BPTF: variants seen among roughly 807,000 people sequenced by gnomAD.
BPTF encodes bromodomain PHD finger transcription factor.
BPTF carries 18 observed loss-of-function variants against 292.5 expected under a neutral mutation model. The observed-to-expected ratio is 0.06, with a 90% confidence interval of 0.04 to 0.09. The LOEUF is 0.09. BPTF is among the 10% of genes least tolerant of loss of function. The pLI is 1.00. For synonymous variants in BPTF, 1,225 were observed against 1,251.9 expected, an observed-to-expected ratio of 0.98 and a Z score of 0.45; for missense variants, 2,726 against 3,498.7, an observed-to-expected ratio of 0.78 and a Z score of 5.57.
chr17:67,831,154 A>G (rs1459071667), intron 1 of BPTF, among the ~76,000 whole-genome samples: 1 of 152,186 alleles, frequency 6.6e-6, no homozygotes, highest in Non-Finnish European at 1.5e-5. Context: ...AGGACGAGAT[A>G]GCTGGTGGGT....
chr17:67,929,596 G>C, intron 17 of BPTF, 109 bp downstream of exon 17: 1 of 1,311,834 alleles, frequency 7.6e-7, no homozygotes, highest in Non-Finnish European at 1.0e-6. Flanking sequence ...GCCTATTACT[G>C]AATCTGTGAC....
intron 1 of BPTF, among the ~76,000 whole-genome samples, chr17:67,852,063 A>C (rs1472234962): frequency 6.6e-6 from 1 of 152,112 alleles, no homozygotes; most frequent in Non-Finnish European, 1.5e-5. Context: ...TTGACTTGCT[A>C]ATACTAATGA....
intron 20 of BPTF, 36 bp from the exon 21 acceptor site, chr17:67,945,373 A>G (rs2065727516): frequency 1.3e-6 from 2 of 1,572,538 alleles, no homozygotes; most frequent in African/African-American, 2.7e-5. Flanking sequence ...TTTATGTTCC[A>G]GAGTAATAGA....
intron 27 of BPTF, among the ~76,000 whole-genome samples, chr17:67,980,995 A>G (rs1436945082): frequency 6.6e-6 from 1 of 152,110 alleles, no homozygotes; most frequent in Non-Finnish European, 1.5e-5. Context: ...CCATCCCTAC[A>G]GAAAATACAA....
Position 67,909,633 on chromosome 17 carries a change from C to T in BPTF, c.2864C>T (p.Ser955Leu), listed in dbSNP as rs753249174. ...NMDESDKRKCSRSPKKIKIEP... is the reference protein window; with the variant it reads ...NMDESDKRKCLRSPKKIKIEP... ...GATGAGTCAGATAAAAGAAAATGTT[C>T]ACGAAGTCCAAAAAAAATAAAAATA... is the stretch of plus-strand genomic sequence containing the variant. Residue 955 changes from serine to leucine, a missense_variant, in exon 10 of 28, where the codon TCA (serine) becomes TTA (leucine). Transcript: ENST00000306378. 9 of 1,590,714 alleles carry T rather than the reference C, an allele frequency of 5.7e-6. No homozygotes were observed. The Admixed American group carries it at 1.4e-4, about 26-fold the overall frequency.
chr17:67,931,839 T>C, intron 17 of BPTF, 72 bp from the exon 18 acceptor site: 1 of 1,094,032 alleles, frequency 9.1e-7, no homozygotes. Context: ...TTTAAAGATC[T>C]TGTGTTCTAA....
intron 17 of BPTF, among the ~76,000 whole-genome samples, chr17:67,931,692 G>C (rs2064403943): frequency 6.6e-6 from 1 of 151,996 alleles, no homozygotes; most frequent in Admixed American, 6.6e-5. Context: ...TCAGTGGCAG[G>C]GAATTTTGTA....
intron 26 of BPTF, 64 bp from the exon 27 acceptor site, chr17:67,975,708 G>A (rs531511365): frequency 7.7e-6 from 11 of 1,436,374 alleles, no homozygotes; most frequent in African/African-American, 1.4e-5. Context: ...TTAGAACTTC[G>A]GAGAATATTC....
chr17:67,832,610 GT>G (rs987470821), intron 1 of BPTF, among the ~76,000 whole-genome samples: 1 of 151,706 alleles, frequency 6.6e-6, no homozygotes, highest in South Asian at 2.1e-4. Context: ...TAATTTAGTG[GT>G]TTTTTTAGTA....
rs558131099 is a variant in BPTF, at chr17:67,918,654, A to T, written c.5304-60A>T. The stretch of plus-strand genomic sequence containing the variant: ...CTTCAGTTTAGTAGAGTGAATATGA[A>T]TGTGTATGTGTATGTATATACATAT... On this transcript the variant is annotated intron_variant, in intron 11 of 27. Transcript: ENST00000306378. 38 of 1,476,380 alleles carry T rather than the reference A, an allele frequency of 2.6e-5. No homozygotes were observed. The African/African-American group carries it at 5.2e-4, about 20-fold the overall frequency. 91.5% of individuals were successfully genotyped at this position (1,476,380 alleles called of 1,614,324 possible). A position where few individuals can be genotyped will look rare whatever the true frequency, so the allele number is the denominator to read the frequency against.
In BPTF at chr17:67,959,857, C is replaced by A; in HGVS notation, c.8243C>A (p.Thr2748Lys). 1 of 1,596,216 alleles carries A rather than the reference C, an allele frequency of 6.3e-7. No homozygotes were observed. The highest frequency in any genetic ancestry group is 2.2e-5 in the East Asian group (1 of 44,640). The change falls in exon 24 of 28, where the codon ACG becomes AAG. Residue 2748 changes from threonine (T) to lysine (K), a missense_variant. Thr to Lys is a moderately conservative substitution (Grantham distance 78). Coordinates refer to ENST00000306378, the MANE Select transcript of BPTF (RefSeq NM_182641.4). ...KDTKLYCICK[T>K]PYDESKFYIG... ...ACAAAGCTTTACTGTATCTGTAAAA[C>A]GCCTTATGATGAATCTAAGTGAGTA...
intron 7 of BPTF, among the ~76,000 whole-genome samples, chr17:67,901,357 G>A (rs2061829464): frequency 6.7e-6 from 1 of 149,948 alleles, no homozygotes; most frequent in Non-Finnish European, 1.5e-5. Context: ...CAATAAGAAA[G>A]CATGAATTAA....
Position 67,895,986 on chromosome 17 carries a change from C to T in BPTF, c.2543+1821C>T, listed in dbSNP as rs370143263. On this transcript the variant is annotated intron_variant, in intron 7 of 27. Transcript: ENST00000306378. The stretch of plus-strand genomic sequence containing the variant: ...AGGCTTTTTTTTTTTTTTTTTGAGA[C>T]GGAGTCTCGCTCTGTCACCCAGGCT... 6.0e-3 allele frequency among the ~76,000 whole-genome samples: 817 copies of T among 137,178 alleles called. 8 individuals are homozygous for T. Among genetic ancestry groups the T allele is most frequent in the African/African-American group, 0.017 (636 of 36,792 alleles). The allele number at this position is 137,178 out of a possible 152,430, so 90.0% of individuals were successfully genotyped here.
At chr17:67,856,478 G>T (rs2145079587) in intron 2 of BPTF, among the ~76,000 whole-genome samples, 1 of 152,200 alleles carries the variant, frequency 6.6e-6, no homozygotes, top group South Asian at 2.1e-4. Flanking sequence ...ATATTCAGAT[G>T]TTTATTAATT....
chr17:67,934,321 T>G (rs9897042), intron 18 of BPTF, among the ~76,000 whole-genome samples: 1 of 151,218 alleles, frequency 6.6e-6, no homozygotes, highest in African/African-American at 2.4e-5. Context: ...AGTTCGAGAC[T>G]AGCCTGGCCA....
At chr17:67,966,393 A>C in intron 25 of BPTF, 179 bp from the exon 26 acceptor site, 1 of 540,916 alleles carries the variant, frequency 1.8e-6, no homozygotes, top group Admixed American at 3.4e-5. Context: ...GAGTACCATT[A>C]TTGTAGAGGA....
At chr17:67,869,524 A>G (rs1384586580) in intron 3 of BPTF, among the ~76,000 whole-genome samples, 2 of 152,196 alleles carry the variant, frequency 1.3e-5, no homozygotes, top group African/African-American at 4.8e-5. Context: ...TGAGATACTT[A>G]AATTCTTCTT....
At chr17:67,902,177 CCT>C (rs2061888269) in intron 7 of BPTF, among the ~76,000 whole-genome samples, 1 of 152,200 alleles carries the variant, frequency 6.6e-6, no homozygotes, top group Admixed American at 6.5e-5. Context: ...GACCTCTTTG[CCT>C]CATGGACACC....
intron 1 of BPTF, among the ~76,000 whole-genome samples, chr17:67,835,142 A>T (rs7209675): frequency 0.3 from 46,322 of 151,886 alleles, 8,421 homozygotes; most frequent in East Asian, 0.66. Flanking sequence ...CCCAGGAGTT[A>T]GAGGCCCTAG....
Sources: gnomAD v4.1 joint callset for allele counts (sites outside exome capture counted in the v4.1 genomes callset) on GRCh38, gnomAD v4.1.1 for gene constraint, MANE v1.5 for transcripts, NCBI Gene and HGNC (gene_info 2026-07-23, HGNC 2026-07-21) for gene names.